Variants in ANKRD13D observed in about 807,000 individuals in gnomAD.
ANKRD13D encodes the protein ankyrin repeat domain 13D, also known as ankyrin repeat domain-containing protein 13D.
ANKRD13D carries 24 observed loss-of-function variants against 68.8 expected under a neutral mutation model. That is an observed-to-expected ratio of 0.35 (90% CI 0.25 to 0.49). ANKRD13D has a LOEUF of 0.49. Ranked by LOEUF, ANKRD13D falls within the 20% of genes least tolerant of loss-of-function variation. The pLI is 0.99. For missense variants in ANKRD13D, 735 were observed against 832.1 expected (o/e 0.88, Z 1.44); for synonymous variants, 331 against 336.1 (o/e 0.98, Z 0.16).
At chr11:67,293,822 A>G (rs1169188675) in intron 6 of ANKRD13D, among the ~76,000 whole-genome samples, 2 of 152,110 alleles carry the variant, frequency 1.3e-5, no homozygotes, top group Admixed American at 1.3e-4. Context: ...CTATCCCTTC[A>G]CCCATTTAAA....
Position 67,301,725 on chromosome 11 carries a change from G to A in ANKRD13D, c.1513-7G>A, listed in dbSNP as rs1260267911. 5.0e-6 allele frequency: 8 copies of A among 1,611,340 alleles called. No individual in the cohort carries two copies. The highest frequency in any genetic ancestry group is 1.3e-5 in the African/African-American group (1 of 74,938). On this transcript the variant is annotated splice_polypyrimidine_tract_variant and splice_region_variant and intron_variant, in intron 13 of 14. Coordinates refer to ENST00000511455, the MANE Select transcript of ANKRD13D (RefSeq NM_207354.3). This position sits in a 1 kb window ranked among gnomAD's most constrained non-coding sequence, Gnocchi z 4.5. ...GAAGTGACAGCTGTGGGCTCTGGTGGCTGCAGGTGACCGTCTGGGAAGCCC... is the reference window on the plus strand; with the variant it reads ...GAAGTGACAGCTGTGGGCTCTGGTGACTGCAGGTGACCGTCTGGGAAGCCC...
chr11:67,291,413 C>T, intron 3 of ANKRD13D, 63 bp from the exon 4 acceptor site: 1 of 1,545,212 alleles, frequency 6.5e-7, no homozygotes, highest in Non-Finnish European at 8.9e-7. Flanking sequence ...GGACAAGGGG[C>T]TCCCAGGCCT....
At chr11:67,296,338 A>AGTGTGTGAGT (rs1554970157) in intron 6 of ANKRD13D, among the ~76,000 whole-genome samples, 1 of 147,658 alleles carries the variant, frequency 6.8e-6, no homozygotes, top group Non-Finnish European at 1.5e-5. Context: ...TTTGGGCCTG[A>AGTGTGTGAGT]GTGTGTGTGT....
Position 67,300,671 on chromosome 11 carries a change from T to G in ANKRD13D, c.1074-319T>G. On this transcript the variant is annotated intron_variant, in intron 10 of 14. Coordinates refer to ENST00000511455, the MANE Select transcript of ANKRD13D (RefSeq NM_207354.3). This position sits in a 1 kb window ranked among gnomAD's most constrained non-coding sequence, Gnocchi z 4.3. ...CAACACGTGAGCTGGTGACCAGCTC[T>G]GGGCTGAGGAGGAAAACGGGGCTGT... 1 of 505,176 alleles carries G rather than the reference T, an allele frequency of 2.0e-6. No individual in the cohort carries two copies. Among genetic ancestry groups the G allele is most frequent in the Non-Finnish European group, 3.5e-6 (1 of 287,086 alleles). The allele number at this position is 505,176 out of a possible 1,614,324, so 31.3% of individuals were successfully genotyped here.
intron 6 of ANKRD13D, among the ~76,000 whole-genome samples, chr11:67,295,946 T>C (rs1432077481): frequency 6.6e-6 from 1 of 152,224 alleles, no homozygotes. Context: ...TGAAAGGATG[T>C]TGGATTTTGT....
chr11:67,292,645 T>C (rs1358351044), intron 6 of ANKRD13D, among the ~76,000 whole-genome samples: 2 of 152,140 alleles, frequency 1.3e-5, no homozygotes, highest in African/African-American at 2.4e-5. Context: ...AAAAAACCTT[T>C]ATTGAGATAT....
chr11:67,299,219 T>A lies in ANKRD13D; in HGVS notation c.798+95T>A. 6.8e-7 allele frequency: 1 copy of A among 1,463,212 alleles called. No individual in the cohort carries two copies. Among genetic ancestry groups the A allele is most frequent in the Non-Finnish European group, 9.5e-7 (1 of 1,053,274 alleles). The allele number at this position is 1,463,212 out of a possible 1,614,324, so 90.6% of individuals were successfully genotyped here. ...CCATCCCAGAGTAGCCCCTGGGCTC[T>A]GGAAACCCTGAGCATTTGTGGGAAC... On this transcript the variant is annotated intron_variant, in intron 7 of 14. Transcript: ENST00000511455. The surrounding 1 kb of genome is among the most constrained non-coding windows in gnomAD (Gnocchi z 6.2).
rs775121275 is a variant in ANKRD13D at position 67,300,980 on chromosome 11, G to A, written c.1074-10G>A. ...CGTGCCTCACCCATGTCCTGTGGTCGGCTGGGCAGGTTCAAGGCAACACTG... is the reference window on the plus strand; with the variant it reads ...CGTGCCTCACCCATGTCCTGTGGTCAGCTGGGCAGGTTCAAGGCAACACTG... On this transcript the variant is annotated splice_polypyrimidine_tract_variant and intron_variant, in intron 10 of 14. Transcript: ENST00000511455. This position sits in a 1 kb window ranked among gnomAD's most constrained non-coding sequence, Gnocchi z 4.3. The A allele has an allele frequency of 6.8e-6, 11 of 1,613,462 alleles. No homozygotes were observed. Among genetic ancestry groups the A allele is most frequent in the Non-Finnish European group, 8.5e-6 (10 of 1,179,850 alleles).
At chr11:67,297,598 T>C (rs976752327) in intron 6 of ANKRD13D, among the ~76,000 whole-genome samples, 1 of 151,436 alleles carries the variant, frequency 6.6e-6, no homozygotes, top group Non-Finnish European at 1.5e-5. Flanking sequence ...CGATCTCGGC[T>C]TACTGCAAGC....
At chr11:67,290,613 G>A (rs1258408948) in intron 3 of ANKRD13D, 167 bp downstream of exon 3, 15 of 1,118,498 alleles carry the variant, frequency 1.3e-5, no homozygotes, top group Admixed American at 2.9e-5. Context: ...GTAGGAAAGA[G>A]AGACGGCCAG....
chr11:67,302,465 A>G lies in ANKRD13D; in HGVS notation c.*133A>G. 1 of 1,316,106 alleles carries G rather than the reference A, an allele frequency of 7.6e-7. No homozygotes were observed. The allele number at this position is 1,316,106 out of a possible 1,614,324, so 81.5% of individuals were successfully genotyped here. On this transcript the variant is annotated 3_prime_UTR_variant, in exon 15 of 15. Transcript: ENST00000511455. ...GCAGGCAGGGGAGACTGAGATGGAA[A>G]TAAAGAGACTGTCGCAGCAGGGCTG...
chr11:67,294,110 A>G (rs76353068), intron 6 of ANKRD13D, among the ~76,000 whole-genome samples: 3,652 of 152,294 alleles, frequency 0.024, 152 homozygotes, highest in African/African-American at 0.083. Flanking sequence ...CTTTATGCCA[A>G]TATTATACTG....
chr11:67,293,145 C>T (rs1302092574), intron 6 of ANKRD13D, among the ~76,000 whole-genome samples: 1 of 152,052 alleles, frequency 6.6e-6, no homozygotes, highest in Non-Finnish European at 1.5e-5. Flanking sequence ...GTTTTAATTT[C>T]TCTTTCATAT....
Position 67,301,714 on chromosome 11 carries a change from G to T in ANKRD13D, c.1513-18G>T. On this transcript the variant is annotated intron_variant, in intron 13 of 14. Coordinates refer to ENST00000511455, the MANE Select transcript of ANKRD13D (RefSeq NM_207354.3). The surrounding 1 kb of genome is among the most constrained non-coding windows in gnomAD (Gnocchi z 4.5). ...GCCACACGGCAGAAGTGACAGCTGT[G>T]GGCTCTGGTGGCTGCAGGTGACCGT... 1 of 1,611,330 alleles carries T rather than the reference G, an allele frequency of 6.2e-7. No homozygotes were observed.
At chr11:67,291,966 T>C (rs1860575909) in intron 5 of ANKRD13D, 25 bp from the exon 6 acceptor site, 1 of 1,555,434 alleles carries the variant, frequency 6.4e-7, no homozygotes, top group Non-Finnish European at 8.7e-7. Flanking sequence ...TTGCGCCCCC[T>C]CTGTCCACCC....
Position 67,301,764 on chromosome 11 carries a change from G to A in ANKRD13D, c.1545G>A (p.Arg515=), listed in dbSNP as rs764481783. 1.2e-6 allele frequency: 2 copies of A among 1,610,332 alleles called. No homozygotes were observed. Among genetic ancestry groups the A allele is most frequent in the South Asian group, 2.2e-5 (2 of 90,720 alleles). Reference sequence around the variant, plus strand: ...TCTGGGAAGCCCTGACCAACACCCGGCCCGGTGCCCGCCCTCCTCCCCAGG... The same window carrying A: ...TCTGGGAAGCCCTGACCAACACCCGACCCGGTGCCCGCCCTCCTCCCCAGG... ...VTVWEALTNT[R]PGARPPPQAT... is the part of the protein sequence containing the mutation. The change falls in exon 14 of 15, where the codon CGG becomes CGA. Residue 515 remains arginine, a synonymous_variant. Coordinates refer to ENST00000511455, the MANE Select transcript of ANKRD13D (RefSeq NM_207354.3). The surrounding 1 kb of genome is among the most constrained non-coding windows in gnomAD (Gnocchi z 4.5).
rs1357639023 is a variant in ANKRD13D at position 67,300,248 on chromosome 11, G to T, written c.1073+125G>T. 1 of 1,372,854 alleles carries T rather than the reference G, an allele frequency of 7.3e-7. No homozygotes were observed. Among genetic ancestry groups the T allele is most frequent in the African/African-American group, 1.4e-5 (1 of 69,152 alleles). 85.0% of individuals were successfully genotyped at this position (1,372,854 alleles called of 1,614,324 possible). On this transcript the variant is annotated intron_variant, in intron 10 of 14. Coordinates refer to ENST00000511455, the MANE Select transcript of ANKRD13D (RefSeq NM_207354.3). The surrounding 1 kb of genome is among the most constrained non-coding windows in gnomAD (Gnocchi z 4.3). ...CTTCTCTCTGGACTCCACTCCTGGA[G>T]GGCAGGAGTCATGTCTGCCTTATCC...
At chr11:67,289,629 C>CG in intron 1 of ANKRD13D, 79 bp downstream of exon 1, 1 of 1,158,520 alleles carries the variant, frequency 8.6e-7, no homozygotes. Context: ...GAGCCCCCCC[C>CG]CCCCCCCCGC....
chr11:67,289,617 T>TGGGGGGGGGG, intron 1 of ANKRD13D, 67 bp downstream of exon 1: 1 of 1,125,058 alleles, frequency 8.9e-7, no homozygotes, highest in Non-Finnish European at 1.1e-6. Context: ...GCCTCCGTCC[T>TGGGGGGGGGG]GGAGCCCCCC....
Sources: gnomAD v4.1 joint callset for allele counts (sites outside exome capture counted in the v4.1 genomes callset) on GRCh38, gnomAD v4.1.1 for gene constraint, Gnocchi (gnomAD v3.1) non-coding constraint, MANE v1.5 for transcripts, NCBI Gene and HGNC (gene_info 2026-07-23, HGNC 2026-07-21) for gene names.